TMEM117: variants seen among roughly 807,000 people sequenced by gnomAD.
TMEM117 encodes transmembrane protein 117.
In TMEM117, 27 loss-of-function variants were observed where a neutral mutation model predicts 52.4. The ratio of observed to expected loss-of-function variants is 0.51; its 90% CI spans 0.38 to 0.71. The LOEUF is 0.71. Among genes scored for constraint, TMEM117 ranks in the 30% least tolerant of loss-of-function variants. The pLI is 0.00. For missense variants in TMEM117, 556 were observed against 630.5 expected (o/e 0.88, Z 1.26); for synonymous variants, 215 against 206.3 (o/e 1.04, Z -0.36).
Position 44,156,833 on chromosome 12 carries a change from A to C in TMEM117, c.510+13209A>C, listed in dbSNP as rs78234622. 3.9e-5 allele frequency among the ~76,000 whole-genome samples: 6 copies of C among 152,182 alleles called. No individual in the cohort carries two copies. The East Asian group carries it at 1.2e-3, about 30-fold the overall frequency. On this transcript the variant is annotated intron_variant, in intron 4 of 7. Transcript: ENST00000266534. ...GCACCCCAAGGGCCTGTACATTGCC[A>C]CGAGGCAATATAAGTGCTCAGTAAA...
At chr12:44,183,114 T>A (rs979978138) in intron 4 of TMEM117, among the ~76,000 whole-genome samples, 5 of 152,166 alleles carry the variant, frequency 3.3e-5, no homozygotes, top group Admixed American at 6.6e-5. Flanking sequence ...AAAGAAAAAA[T>A]TGCCAATAAT....
chr12:44,291,481 C>G (rs889158699), intron 5 of TMEM117, among the ~76,000 whole-genome samples: 4 of 134,606 alleles, frequency 3.0e-5, no homozygotes, highest in African/African-American at 1.1e-4. Context: ...ATTTGGATAT[C>G]TTTTATTTCA....
At position 44,124,793 on chromosome 12, in the gene TMEM117, A is replaced by AT. The variant is rs1221945008; in HGVS notation, c.411-18730dup. On this transcript the variant is annotated intron_variant, in intron 3 of 7. Transcript: ENST00000266534. ...GGATAAGTTTTTTATGTGCTGCTAG[A>AT]TTCGGTTTGTCAATATTTTGTTGAG... 6.6e-5 allele frequency among the ~76,000 whole-genome samples: 10 copies of AT among 152,228 alleles called. No individual in the cohort carries two copies. The East Asian group carries it at 1.7e-3, about 27-fold the overall frequency.
chr12:44,331,364 C>T (rs1951268721), intron 6 of TMEM117, among the ~76,000 whole-genome samples: 1 of 151,918 alleles, frequency 6.6e-6, no homozygotes. Flanking sequence ...GTAAGATCCT[C>T]TGAGAGCTTT....
intron 4 of TMEM117, among the ~76,000 whole-genome samples, chr12:44,206,356 G>T (rs116498294): frequency 2.0e-5 from 3 of 152,170 alleles, no homozygotes; most frequent in Admixed American, 6.5e-5. Flanking sequence ...AACCTCCAGC[G>T]TGGGCATCAT....
intron 6 of TMEM117, among the ~76,000 whole-genome samples, chr12:44,326,944 C>T (rs751589210): frequency 1.9e-4 from 29 of 152,278 alleles, no homozygotes; most frequent in East Asian, 1.5e-3. Flanking sequence ...CTAGTCAAGG[C>T]GGAGGCCTTG....
intron 4 of TMEM117, among the ~76,000 whole-genome samples, chr12:44,196,740 A>G (rs573796613): frequency 6.6e-6 from 1 of 152,342 alleles, no homozygotes; most frequent in Admixed American, 6.5e-5. Flanking sequence ...TATCACTGAA[A>G]CACTCATTCC....
chr12:44,341,465 A>C (rs1025673997), intron 6 of TMEM117, among the ~76,000 whole-genome samples: 2 of 152,146 alleles, frequency 1.3e-5, no homozygotes, highest in African/African-American at 4.8e-5. Context: ...TCTATGGCTG[A>C]ATAGTATTCC....
In TMEM117 at chr12:43,861,795, A is replaced by G. The variant is rs1421911443; in HGVS notation, c.277+16867A>G. Reference sequence around the variant, plus strand: ...CTATGCACTAGGGATACAGTGGTGAATAATAATAATAACAAAACACTCAAG... The same window carrying G: ...CTATGCACTAGGGATACAGTGGTGAGTAATAATAATAACAAAACACTCAAG... On this transcript the variant is annotated intron_variant, in intron 2 of 7. Coordinates refer to ENST00000266534, the MANE Select transcript of TMEM117 (RefSeq NM_032256.3). Among the ~76,000 whole-genome samples, 3 of 147,156 alleles carry G rather than the reference A, an allele frequency of 2.0e-5. No individual in the cohort carries two copies. In the East Asian group the frequency reaches 5.8e-4, roughly 28 times the overall value.
intron 3 of TMEM117, among the ~76,000 whole-genome samples, chr12:44,045,214 CA>C (rs1020881625): frequency 1.3e-5 from 2 of 152,166 alleles, no homozygotes; most frequent in African/African-American, 4.8e-5. Flanking sequence ...GGCTCAGCAA[CA>C]ACGACTTCCA....
intron 5 of TMEM117, among the ~76,000 whole-genome samples, chr12:44,291,947 C>CT (rs1046403059): frequency 4.6e-5 from 7 of 151,808 alleles, no homozygotes; most frequent in African/African-American, 1.7e-4. Flanking sequence ...CTATGATTTT[C>CT]TTTTTTTGTA....
intron 5 of TMEM117, among the ~76,000 whole-genome samples, chr12:44,292,975 G>A (rs959731841): frequency 4.6e-5 from 7 of 151,880 alleles, no homozygotes; most frequent in Middle Eastern, 3.2e-3. Flanking sequence ...CCATTGTTTC[G>A]TTGTTGATTT....
At chr12:44,330,549 T>A (rs1397845133) in intron 6 of TMEM117, among the ~76,000 whole-genome samples, 1 of 152,086 alleles carries the variant, frequency 6.6e-6, no homozygotes, top group Non-Finnish European at 1.5e-5. Context: ...ATTTTACATT[T>A]TTTTCATACT....
chr12:44,312,830 G>T (rs1336970613), intron 6 of TMEM117, among the ~76,000 whole-genome samples: 2 of 152,066 alleles, frequency 1.3e-5, no homozygotes, highest in South Asian at 4.1e-4. Flanking sequence ...TCTCATTGTG[G>T]TTTTGATTTG....
chr12:44,209,973 C>T (rs978111343), intron 4 of TMEM117, among the ~76,000 whole-genome samples: 1 of 152,108 alleles, frequency 6.6e-6, no homozygotes, highest in African/African-American at 2.4e-5. Context: ...CCCACTGAAT[C>T]ACAATCTTTC....
In TMEM117 at chr12:44,089,863, C is replaced by T. The variant is rs902974754; in HGVS notation, c.411-53662C>T. Among the ~76,000 whole-genome samples the T allele has an allele frequency of 3.9e-5, 6 of 152,112 alleles. No individual in the cohort carries two copies. In the South Asian group the frequency reaches 1.0e-3, roughly 26 times the overall value. ...TGTTGTAAATAAAAACAGCCATAGA[C>T]AATTCTTAAACAAATAGGTGTGGCT... On this transcript the variant is annotated intron_variant, in intron 3 of 7. Coordinates refer to ENST00000266534, the MANE Select transcript of TMEM117 (RefSeq NM_032256.3).
intron 3 of TMEM117, among the ~76,000 whole-genome samples, chr12:44,016,059 C>T (rs141844808): frequency 4.9e-4 from 74 of 152,224 alleles, no homozygotes; most frequent in African/African-American, 1.6e-3. Flanking sequence ...GGGTCACCCC[C>T]GTTGAATGGA....
chr12:44,198,531 C>G (rs998602258), intron 4 of TMEM117, among the ~76,000 whole-genome samples: 1 of 152,046 alleles, frequency 6.6e-6, no homozygotes, highest in African/African-American at 2.4e-5. Context: ...TGTTAACATT[C>G]TGTGTACATA....
chr12:44,334,173 G>T (rs917957899), intron 6 of TMEM117, among the ~76,000 whole-genome samples: 1 of 151,986 alleles, frequency 6.6e-6, no homozygotes, highest in African/African-American at 2.4e-5. Context: ...ATTGTATTCT[G>T]CTTCTTAAGT....
Sources: allele counts gnomAD v4.1 joint callset (sites outside exome capture counted in the v4.1 genomes callset), GRCh38; gene constraint gnomAD v4.1.1; transcripts MANE v1.5; gene names NCBI Gene and HGNC (gene_info 2026-07-23, HGNC 2026-07-21).